NFX1: variants seen among roughly 807,000 people sequenced by gnomAD.
The protein encoded by NFX1 is transcriptional repressor NF-X1.
Under a neutral mutation model 137.2 loss-of-function variants are expected in NFX1, and 69 were observed. The observed-to-expected ratio is 0.50, with a 90% CI of 0.41 to 0.61. The LOEUF (loss-of-function observed/expected upper bound fraction) is 0.61, where lower values mean the gene tolerates loss of function less well. NFX1 is among the 20% of genes least tolerant of loss of function. The pLI, the probability that NFX1 is intolerant of heterozygous loss-of-function variation, is 0.00. For missense variants in NFX1, 1,167 were observed against 1,391.0 expected, an observed-to-expected ratio of 0.84 and a Z score of 2.56; for synonymous variants, 495 against 474.1, an observed-to-expected ratio of 1.04 and a Z score of -0.57.
At chr9:33,345,406 G>A (rs1003216959) in intron 14 of NFX1, among the ~76,000 whole-genome samples, 1 of 152,056 alleles carries the variant, frequency 6.6e-6, no homozygotes, top group Admixed American at 6.6e-5. Flanking sequence ...GAACCCGGGA[G>A]GCAGAGGTTG....
intron 7 of NFX1, among the ~76,000 whole-genome samples, chr9:33,315,336 G>C (rs1355449125): frequency 1.3e-5 from 2 of 152,052 alleles, no homozygotes; most frequent in Non-Finnish European, 2.9e-5. Context: ...TGATTAAACA[G>C]CCTGAAAGCT....
At chr9:33,334,043 G>T (rs1292753248) in intron 11 of NFX1, among the ~76,000 whole-genome samples, 1 of 152,216 alleles carries the variant, frequency 6.6e-6, no homozygotes, top group Non-Finnish European at 1.5e-5. Context: ...TACTCAGGAG[G>T]CTGAGGCAGG....
intron 16 of NFX1, chr9:33,352,439 G>T: frequency 1.5e-6 from 1 of 669,118 alleles, no homozygotes; most frequent in Non-Finnish European, 2.8e-6. Context: ...TTTCCAAAAG[G>T]GGGCATTGTG....
intron 9 of NFX1, among the ~76,000 whole-genome samples, chr9:33,326,740 A>AAT (rs1264174991): frequency 2.0e-5 from 3 of 152,090 alleles, no homozygotes; most frequent in Admixed American, 6.6e-5. Flanking sequence ...TAAAGCTATA[A>AAT]ATATATATAT....
rs541716817 is a variant in NFX1 at position 33,359,430 on chromosome 9, C to G, written c.2873+4538C>G. ...CCTGGTCAACATGGTGAAACCCTGT[C>G]TCTACTAAAAATACAAAAATTAGCC... On this transcript the variant is annotated intron_variant, in intron 19 of 23. Coordinates refer to ENST00000379540, the MANE Select transcript of NFX1 (RefSeq NM_002504.6). Among the ~76,000 whole-genome samples, 38 of 152,166 alleles carry G rather than the reference C, an allele frequency of 2.5e-4. No individual in the cohort carries two copies. The South Asian group carries it at 7.7e-3, about 31-fold the overall frequency.
chr9:33,293,962 T>A (rs201910807), intron 1 of NFX1, among the ~76,000 whole-genome samples: 1 of 152,242 alleles, frequency 6.6e-6, no homozygotes, highest in African/African-American at 2.4e-5. Context: ...GTGATATCCC[T>A]AAGTTCATAC....
chr9:33,349,696 G>C (rs1224601866), intron 15 of NFX1, among the ~76,000 whole-genome samples: 3 of 152,048 alleles, frequency 2.0e-5, no homozygotes, highest in Non-Finnish European at 4.4e-5. Context: ...AGAATTGGGG[G>C]TTCTATCCCC....
At chr9:33,324,969 C>T (rs1445976627) in intron 9 of NFX1, among the ~76,000 whole-genome samples, 1 of 149,840 alleles carries the variant, frequency 6.7e-6, no homozygotes, top group African/African-American at 2.5e-5. Context: ...ACCCAACGGA[C>T]AGAGAGAAAA....
intron 9 of NFX1, among the ~76,000 whole-genome samples, chr9:33,326,338 A>G (rs1822586999): frequency 6.6e-6 from 1 of 151,034 alleles, no homozygotes; most frequent in South Asian, 2.1e-4. Flanking sequence ...GTTTGAATTC[A>G]GGAGGCAGAG....
rs557655235 is a variant in NFX1, at chr9:33,313,654, G to A, written c.1449G>A (p.Arg483=). The change falls in exon 7 of 24, where the codon AGG becomes AGA. Residue 483 remains arginine (R), a splice_region_variant and synonymous_variant. Coordinates refer to ENST00000379540, the MANE Select transcript of NFX1 (RefSeq NM_002504.6). Reference sequence around the variant, plus strand: ...GTCTTTACATCTATTGTCTTTACAGGCACACAGTTCGCTGTGGTCAGGCTG... The same window carrying A: ...GTCTTTACATCTATTGTCTTTACAGACACACAGTTCGCTGTGGTCAGGCTG... ...MTKTCECGRT[R]HTVRCGQAVS... 2.2e-4 allele frequency: 362 copies of A among 1,613,920 alleles called. 1 individual carries two copies. The South Asian group carries it at 3.8e-3, about 17-fold the overall frequency.
chr9:33,353,935 C>T (rs1304785221), intron 17 of NFX1, 151 bp from the exon 18 acceptor site: 4 of 600,662 alleles, frequency 6.7e-6, no homozygotes, highest in East Asian at 3.2e-5. Context: ...GGTGATCCAC[C>T]TGCCTTGGTT....
intron 2 of NFX1, among the ~76,000 whole-genome samples, chr9:33,300,870 C>T (rs1009856754): frequency 6.6e-6 from 1 of 152,250 alleles, no homozygotes; most frequent in Non-Finnish European, 1.5e-5. Flanking sequence ...TACAGCTTCA[C>T]GAGCCTCTTT....
At position 33,351,768 on chromosome 9, in the gene NFX1, C is replaced by G. The variant is rs1393233721; in HGVS notation, c.2633C>G (p.Pro878Arg). The stretch of plus-strand genomic sequence containing the variant: ...CCCTGCCATACCAGCTCACCCTGCC[C>G]TGTGACTGCTTGTAAAGCTAAGGTG... Reference protein sequence around the residue: ...MAPCHTSSPCPVTACKAKVEL... With the variant: ...MAPCHTSSPCRVTACKAKVEL... The change falls in exon 16 of 24, where the codon CCT becomes CGT. Residue 878 changes from proline to arginine, a missense_variant. Around this residue, in one of 3 missense-constraint regions of NFX1, gnomAD observed 312 missense variants for 312.8 expected, o/e 1.00. Transcript: ENST00000379540. 5 of 1,593,790 alleles carry G rather than the reference C, an allele frequency of 3.1e-6. No homozygotes were observed. The highest frequency in any genetic ancestry group is 2.2e-5 in the East Asian group (1 of 44,714).
intron 10 of NFX1, among the ~76,000 whole-genome samples, chr9:33,331,292 A>G (rs960650715): frequency 6.6e-5 from 10 of 152,254 alleles, no homozygotes; most frequent in African/African-American, 2.2e-4. Context: ...TGAGTTTTCT[A>G]GATAAATAAA....
chr9:33,340,599 C>T (rs1455953825), intron 12 of NFX1, among the ~76,000 whole-genome samples: 1 of 152,210 alleles, frequency 6.6e-6, no homozygotes, highest in East Asian at 1.9e-4. Context: ...ATTTTCTTCT[C>T]AGAAAATAGG....
chr9:33,340,393 C>T (rs1467209308), intron 12 of NFX1, among the ~76,000 whole-genome samples: 1 of 152,234 alleles, frequency 6.6e-6, no homozygotes, highest in East Asian at 1.9e-4. Flanking sequence ...TGCAGGGCAC[C>T]AAGTCCCGAG....
At chr9:33,327,048 C>A (rs1822619937) in intron 9 of NFX1, among the ~76,000 whole-genome samples, 1 of 151,802 alleles carries the variant, frequency 6.6e-6, no homozygotes, top group African/African-American at 2.4e-5. Flanking sequence ...TGACAAAATG[C>A]AAATGAAAAT....
chr9:33,312,393 G>A (rs1190484744), intron 6 of NFX1, among the ~76,000 whole-genome samples: 1 of 152,190 alleles, frequency 6.6e-6, no homozygotes, highest in Non-Finnish European at 1.5e-5. Flanking sequence ...AGCATAATAG[G>A]CTAGTGTTAG....
In NFX1 at chr9:33,344,140, C is replaced by G; in HGVS notation, c.2296C>G (p.Pro766Ala). 1 of 1,614,086 alleles carries G rather than the reference C, an allele frequency of 6.2e-7. No individual in the cohort carries two copies. Among genetic ancestry groups the G allele is most frequent in the Non-Finnish European group, 8.5e-7 (1 of 1,179,974 alleles). Residue 766 changes from proline to alanine, a missense_variant, in exon 14 of 24, where the codon CCT (proline) becomes GCT (alanine). This residue lies in a region of NFX1 where 488 missense variants were observed against 691.5 expected (regional missense o/e 0.71). Coordinates refer to ENST00000379540, the MANE Select transcript of NFX1 (RefSeq NM_002504.6). ...YPPVPCGTRPPECTQTCARVH... is the reference protein window; with the variant it reads ...YPPVPCGTRPAECTQTCARVH... The stretch of plus-strand genomic sequence containing the variant: ...TCCAGTTCCCTGTGGTACTAGGCCC[C>G]CTGAATGTACCCAAACCTGCGCTAG...
Sources: gnomAD v4.1 joint callset for allele counts (sites outside exome capture counted in the v4.1 genomes callset) on GRCh38, gnomAD v4.1.1 for gene constraint, gnomAD v4.1.1 regional missense constraint, MANE v1.5 for transcripts, NCBI Gene and HGNC (gene_info 2026-07-23, HGNC 2026-07-21) for gene names.